Variants in RRM2B observed in about 807,000 individuals in gnomAD.
The protein encoded by RRM2B is ribonucleotide reductase regulatory TP53 inducible subunit M2B, also known as ribonucleoside-diphosphate reductase subunit M2 B.
A neutral mutation model predicts 45.9 loss-of-function variants in RRM2B; 20 were observed. That is an observed-to-expected ratio of 0.44 (90% CI 0.31 to 0.63). RRM2B has a LOEUF of 0.63. Ranked by LOEUF, RRM2B falls within the 30% of genes least tolerant of loss-of-function variation. The probability of loss-of-function intolerance (pLI) is 0.09; values close to 1 mark genes in which losing one functional copy is unlikely to be tolerated. For missense variants in RRM2B, 320 were observed against 414.7 expected, an observed-to-expected ratio of 0.77 and a Z score of 1.98; for synonymous variants, 124 against 132.3, an observed-to-expected ratio of 0.94 and a Z score of 0.43.
At chr8:102,208,608 C>T (rs918604762) in intron 8 of RRM2B, among the ~76,000 whole-genome samples, 1 of 152,142 alleles carries the variant, frequency 6.6e-6, no homozygotes, top group Non-Finnish European at 1.5e-5. Flanking sequence ...ATATCCAATA[C>T]ACCATGAGCA....
Position 102,205,397 on chromosome 8 carries a change from CAAT to C in RRM2B, c.*2733_*2735del, listed in dbSNP as rs1446301919. The stretch of plus-strand genomic sequence containing the variant: ...AAAATATGGATGTTTCTAAATGAGA[CAAT>C]GAGACAATTATAAAAATTTCATGTA... On this transcript the variant is annotated 3_prime_UTR_variant, in exon 9 of 9. Transcript: ENST00000251810. The C allele has an allele frequency of 2.0e-5, 3 of 152,014 alleles. No individual in the cohort carries two copies. Among genetic ancestry groups the C allele is most frequent in the Non-Finnish European group, 4.4e-5 (3 of 67,958 alleles). The allele number at this position is 152,014 out of a possible 1,614,324, so 9.4% of individuals were successfully genotyped here. A position where few individuals can be genotyped will look rare whatever the true frequency, so the allele number is the denominator to read the frequency against.
At chr8:102,212,280 A>G (rs891533367) in intron 8 of RRM2B, among the ~76,000 whole-genome samples, 22 of 152,200 alleles carry the variant, frequency 1.4e-4, no homozygotes, top group African/African-American at 5.3e-4. Flanking sequence ...TGCAGGCTCC[A>G]TGTCTTAAGT....
intron 5 of RRM2B, among the ~76,000 whole-genome samples, chr8:102,219,975 A>C (rs1810802086): frequency 1.3e-5 from 2 of 152,254 alleles, no homozygotes; most frequent in South Asian, 4.1e-4. Context: ...GCAGTGGCTC[A>C]CATCTGTAAT....
At chr8:102,232,339 T>C (rs375520806) in intron 1 of RRM2B, 35 bp from the exon 2 acceptor site, 20 of 1,598,256 alleles carry the variant, frequency 1.3e-5, no homozygotes, top group African/African-American at 9.4e-5. Flanking sequence ...GCCTTTTATA[T>C]AGACATTTCT....
chr8:102,228,168 G>A (rs1480832282), intron 2 of RRM2B, among the ~76,000 whole-genome samples: 2 of 152,186 alleles, frequency 1.3e-5, no homozygotes, highest in East Asian at 1.9e-4. Context: ...GAGGAGAAGA[G>A]GAGAAGCAGC....
chr8:102,213,183 T>C (rs1192814309), intron 7 of RRM2B, among the ~76,000 whole-genome samples: 1 of 151,584 alleles, frequency 6.6e-6, no homozygotes, highest in East Asian at 1.9e-4. Flanking sequence ...GCTTTCTCAA[T>C]AGAAAAAAAA....
chr8:102,230,938 T>C lies in RRM2B; in HGVS notation c.204+1211A>G, dbSNP rs143248703. ...CTTTCCCAGTTCCATAGCTAGTAAG[T>C]AGTGGCACAGGATTTGTACCTAGGC... On this transcript the variant is annotated intron_variant, in intron 2 of 8. Coordinates refer to ENST00000251810, the MANE Select transcript of RRM2B (RefSeq NM_015713.5). Among the ~76,000 whole-genome samples the C allele has an allele frequency of 1.9e-4, 29 of 152,316 alleles. No homozygotes were observed. In the East Asian group the frequency reaches 5.4e-3, roughly 28 times the overall value.
intron 7 of RRM2B, among the ~76,000 whole-genome samples, chr8:102,213,519 C>G (rs933702993): frequency 2.0e-5 from 3 of 152,132 alleles, no homozygotes; most frequent in Non-Finnish European, 4.4e-5. Context: ...CGCAGTGTTA[C>G]CAAAACAAAA....
At chr8:102,233,263 G>C (rs952408851) in intron 1 of RRM2B, among the ~76,000 whole-genome samples, 1 of 152,144 alleles carries the variant, frequency 6.6e-6, no homozygotes, top group African/African-American at 2.4e-5. Flanking sequence ...GGAGGCTAAG[G>C]CTTAGCAAGA....
At chr8:102,210,204 C>CT (rs1168157694) in intron 8 of RRM2B, among the ~76,000 whole-genome samples, 1 of 152,064 alleles carries the variant, frequency 6.6e-6, no homozygotes, top group East Asian at 1.9e-4. Flanking sequence ...ATTTATGTAT[C>CT]TTTTTTCCAA....
At chr8:102,221,960 C>T (rs1446422286) in intron 5 of RRM2B, among the ~76,000 whole-genome samples, 19 of 152,200 alleles carry the variant, frequency 1.2e-4, no homozygotes, top group Admixed American at 1.2e-3. Context: ...AATGCAGATT[C>T]CTCAGTCCCA....
chr8:102,215,944 CAAAAAAAA>C (rs60059243), intron 6 of RRM2B, among the ~76,000 whole-genome samples: 21 of 75,696 alleles, frequency 2.8e-4, no homozygotes, highest in African/African-American at 6.4e-4. Flanking sequence ...GACCCTGTCT[CAAAAAAAA>C]AAAAAAAAAA....
chr8:102,212,815 A>C lies in RRM2B; in HGVS notation c.864T>G (p.Phe288Leu), dbSNP rs762487068. 4.3e-6 allele frequency: 7 copies of C among 1,610,974 alleles called. No individual in the cohort carries two copies. The highest frequency in any genetic ancestry group is 5.9e-6 in the Non-Finnish European group (7 of 1,177,370). The change falls in exon 8 of 9, where the codon TTT (phenylalanine) becomes TTG (leucine). Residue 288 changes from phenylalanine to leucine, a missense_variant. Physicochemically the swap from Phe to Leu is conservative, Grantham distance 22. Around this residue, in one of 3 missense-constraint regions of RRM2B, gnomAD observed 47 missense variants for 90.0 expected, o/e 0.52. Transcript: ENST00000251810. ...NCILMKQYIE[F>L]VADRLLVELG... ...GTTCCACAAGTAATCTGTCAGCTAC[A>C]AACTCAATGTACTGTTTCATCAAAA...
intron 1 of RRM2B, among the ~76,000 whole-genome samples, chr8:102,232,546 T>C (rs1210945728): frequency 6.6e-6 from 1 of 152,170 alleles, no homozygotes; most frequent in Non-Finnish European, 1.5e-5. Context: ...TCCTACCTCA[T>C]AGGTTTATTC....
chr8:102,229,687 C>A (rs767574547), intron 2 of RRM2B, among the ~76,000 whole-genome samples: 1 of 152,028 alleles, frequency 6.6e-6, no homozygotes, highest in Non-Finnish European at 1.5e-5. Flanking sequence ...TGGGCTCAAG[C>A]GATTCTCCTG....
chr8:102,210,109 G>A (rs898736478), intron 8 of RRM2B, among the ~76,000 whole-genome samples: 1 of 152,194 alleles, frequency 6.6e-6, no homozygotes, highest in Non-Finnish European at 1.5e-5. Context: ...ACAACTCTGT[G>A]ACTACACTAA....
chr8:102,207,367 G>T lies in RRM2B; in HGVS notation c.*766C>A, dbSNP rs1383984045. 6.6e-6 allele frequency: 1 copy of T among 152,146 alleles called. No homozygotes were observed. The highest frequency in any genetic ancestry group is 6.5e-5 in the Admixed American group (1 of 15,280). 9.4% of individuals were successfully genotyped at this position (152,146 alleles called of 1,614,324 possible). A position where few individuals can be genotyped will look rare whatever the true frequency, so the allele number is the denominator to read the frequency against. On this transcript the variant is annotated 3_prime_UTR_variant, in exon 9 of 9. Transcript: ENST00000251810. ...CAGAGCTAAATCTGGCAATAGTTAT[G>T]TTTTTAATTTCTGAAGAAGAATCAT...
chr8:102,229,043 C>T (rs28999704), intron 2 of RRM2B, among the ~76,000 whole-genome samples: 11,090 of 152,216 alleles, frequency 0.073, 522 homozygotes, highest in Non-Finnish European at 0.092. Flanking sequence ...ATCATGAGGT[C>T]AAGAGATTGA....
At chr8:102,237,107 G>T (rs775665919) in intron 1 of RRM2B, among the ~76,000 whole-genome samples, 10 of 152,222 alleles carry the variant, frequency 6.6e-5, no homozygotes, top group Non-Finnish European at 8.8e-5. Flanking sequence ...CCAGGTGCAA[G>T]AACTTGGTTT....
Sources: allele counts gnomAD v4.1 joint callset (sites outside exome capture counted in the v4.1 genomes callset), GRCh38; gene constraint gnomAD v4.1.1; regional missense constraint gnomAD v4.1.1; transcripts MANE v1.5; gene names NCBI Gene and HGNC (gene_info 2026-07-23, HGNC 2026-07-21).